The following SAMD12 variants were observed in gnomAD, a reference collection of about 807,000 sequenced individuals.
SAMD12 encodes sterile alpha motif domain-containing protein 12.
A neutral mutation model predicts 15.0 loss-of-function variants in SAMD12; 9 were observed. The observed-to-expected ratio is 0.60, with a 90% confidence interval of 0.36 to 1.05. The LOEUF is 1.05. SAMD12 is among the 50% of genes least tolerant of loss of function. The pLI is 0.01. For missense variants in SAMD12, 230 were observed against 234.2 expected, an observed-to-expected ratio of 0.98 and a Z score of 0.12; for synonymous variants, 86 against 90.1, an observed-to-expected ratio of 0.96 and a Z score of 0.25.
At chr8:118,277,332 C>A (rs1355594930) in intron 4 of SAMD12, among the ~76,000 whole-genome samples, 2 of 152,194 alleles carry the variant, frequency 1.3e-5, no homozygotes, top group Non-Finnish European at 2.9e-5. Context: ...TCCTTCCTGA[C>A]TTGACTGTTC....
downstream of SAMD12, among the ~76,000 whole-genome samples, chr8:118,186,547 T>C (rs541964107): frequency 1.8e-3 from 191 of 104,444 alleles, no homozygotes; most frequent in African/African-American, 6.1e-3. Context: ...AACCTTCTGT[T>C]ACCCTCCATT....
intron 2 of SAMD12, among the ~76,000 whole-genome samples, chr8:118,479,999 G>C (rs529646119): frequency 6.6e-6 from 1 of 152,134 alleles, no homozygotes; most frequent in South Asian, 2.1e-4. Context: ...CAAGATCTTT[G>C]CAGAATCTAA....
At chr8:118,189,819 C>T (rs1343885861) in exon 5 of SAMD12, 1 of 151,898 alleles carries the variant, frequency 6.6e-6, no homozygotes, top group Non-Finnish European at 1.5e-5. Flanking sequence ...AGTTTCTAAA[C>T]ATCTTATGCC....
intron 4 of SAMD12, among the ~76,000 whole-genome samples, chr8:118,216,019 A>G (rs1367785308): frequency 8.6e-5 from 13 of 151,814 alleles, no homozygotes; most frequent in African/African-American, 2.9e-4. Flanking sequence ...TTCTAGTTCT[A>G]GATCCCTGAG....
At chr8:118,331,411 T>A (rs1452407816) in intron 4 of SAMD12, among the ~76,000 whole-genome samples, 4 of 152,216 alleles carry the variant, frequency 2.6e-5, no homozygotes, top group Admixed American at 2.6e-4. Flanking sequence ...TTGGATCTAC[T>A]GAATATTAAC....
rs149678345 is a variant in SAMD12 at position 118,269,440 on chromosome 8, C to A, written c.434-71708G>T. On this transcript the variant is annotated intron_variant, in intron 4 of 4. Transcript: ENST00000409003. ...TAACTTATATGTGAAGAAAATGAGG[C>A]CCATTCTGCTTCAAGTAAGTCATCT... Among the ~76,000 whole-genome samples the A allele has an allele frequency of 3.0e-3, 461 of 152,042 alleles. 3 individuals are homozygous for A. Among genetic ancestry groups the A allele is most frequent in the African/African-American group, 0.011 (444 of 41,464 alleles).
chr8:118,359,806 T>C (rs1818401408), intron 4 of SAMD12, among the ~76,000 whole-genome samples: 1 of 152,182 alleles, frequency 6.6e-6, no homozygotes, highest in Non-Finnish European at 1.5e-5. Context: ...ATATAATAAA[T>C]GATAGTGATT....
chr8:118,165,113 C>T, the SAMD12 span, among the ~76,000 whole-genome samples: 5 of 151,952 alleles, frequency 3.3e-5, no homozygotes, highest in Admixed American at 2.0e-4. Flanking sequence ...AGGTTAAGGG[C>T]TCACAACCAA....
intron 2 of SAMD12, among the ~76,000 whole-genome samples, chr8:118,536,031 T>C (rs1428314201): frequency 1.3e-5 from 2 of 152,206 alleles, no homozygotes; most frequent in Non-Finnish European, 2.9e-5. Context: ...ACCTGTCTTC[T>C]GCGTCGCTCA....
intron 2 of SAMD12, among the ~76,000 whole-genome samples, chr8:118,498,567 C>T (rs755120075): frequency 3.3e-5 from 5 of 152,144 alleles, no homozygotes; most frequent in Admixed American, 6.6e-5. Flanking sequence ...ATGACGCTAG[C>T]TGTTTAATAA....
intron 2 of SAMD12, among the ~76,000 whole-genome samples, chr8:118,548,959 G>A (rs193212083): frequency 1.3e-5 from 2 of 152,276 alleles, no homozygotes; most frequent in Admixed American, 1.3e-4. Flanking sequence ...GTGCAAGGCG[G>A]CAGCCAGGCT....
downstream of SAMD12, among the ~76,000 whole-genome samples, chr8:118,189,141 A>G (rs1819294135): frequency 6.6e-6 from 1 of 152,126 alleles, no homozygotes; most frequent in African/African-American, 2.4e-5. Flanking sequence ...AATTGCATCT[A>G]TCGTCCAGCT....
At chr8:118,401,900 G>A (rs79672342) in intron 3 of SAMD12, among the ~76,000 whole-genome samples, 1,546 of 152,200 alleles carry the variant, frequency 0.01, 27 homozygotes, top group African/African-American at 0.036. Flanking sequence ...ACTTACACAT[G>A]TATCCACACG....
chr8:118,555,273 T>C (rs1252699589), intron 2 of SAMD12, among the ~76,000 whole-genome samples: 1 of 152,224 alleles, frequency 6.6e-6, no homozygotes, highest in African/African-American at 2.4e-5. Flanking sequence ...ATGTTTACAC[T>C]TGATTCCCGT....
intron 2 of SAMD12, among the ~76,000 whole-genome samples, chr8:118,549,625 TCTC>T (rs1161674245): frequency 1.3e-5 from 2 of 152,066 alleles, no homozygotes; most frequent in African/African-American, 4.8e-5. Flanking sequence ...GCAGAGCACC[TCTC>T]CTCCTCCAAA....
At chr8:118,434,779 C>T (rs997765245) in intron 3 of SAMD12, among the ~76,000 whole-genome samples, 2 of 152,130 alleles carry the variant, frequency 1.3e-5, no homozygotes, top group African/African-American at 4.8e-5. Flanking sequence ...AATGCCTTTC[C>T]AGTGTTCTAA....
intron 4 of SAMD12, among the ~76,000 whole-genome samples, chr8:118,318,201 T>A (rs1816016114): frequency 6.6e-6 from 1 of 151,478 alleles, no homozygotes; most frequent in Non-Finnish European, 1.5e-5. Flanking sequence ...CTAGTGGGTA[T>A]CTACCCAAAG....
At chr8:118,134,198 C>G in the SAMD12 span, among the ~76,000 whole-genome samples, 5 of 152,170 alleles carry the variant, frequency 3.3e-5, no homozygotes, top group Non-Finnish European at 7.3e-5. Context: ...GCTTCCGGGT[C>G]TCATCTGTAT....
chr8:118,155,674 G>A, the SAMD12 span, among the ~76,000 whole-genome samples: 1 of 152,238 alleles, frequency 6.6e-6, no homozygotes, highest in South Asian at 2.1e-4. Context: ...CAAGTGAATG[G>A]AATGCGAGGT....
Sources: allele counts gnomAD v4.1 joint callset (sites outside exome capture counted in the v4.1 genomes callset), GRCh38; gene constraint gnomAD v4.1.1; transcripts MANE v1.5; gene names NCBI Gene and HGNC (gene_info 2026-07-23, HGNC 2026-07-21).